The following CCDC93 variants were observed in gnomAD, a reference collection of about 807,000 sequenced individuals.
The protein encoded by CCDC93 is CCC complex scaffolding subunit CCDC93, also known as coiled-coil domain-containing protein 93.
A neutral mutation model predicts 108.2 loss-of-function variants in CCDC93; 61 were observed. The observed-to-expected ratio is 0.56, with a 90% CI of 0.46 to 0.70. The LOEUF (loss-of-function observed/expected upper bound fraction) is 0.70, where lower values mean the gene tolerates loss of function less well. Among genes scored for constraint, CCDC93 ranks in the 30% least tolerant of loss-of-function variants. The pLI is 0.00. For synonymous variants in CCDC93, 276 were observed against 260.4 expected, an observed-to-expected ratio of 1.06 and a Z score of -0.58; for missense variants, 685 against 764.2, an observed-to-expected ratio of 0.90 and a Z score of 1.22.
chr2:117,949,859 G>A (rs1678998299), intron 13 of CCDC93: 2 of 985,256 alleles, frequency 2.0e-6, no homozygotes, highest in South Asian at 4.7e-5. Flanking sequence ...CAAAAAGGAT[G>A]GTTAACAGAC....
At chr2:117,994,733 G>A (rs1333237803) in intron 6 of CCDC93, among the ~76,000 whole-genome samples, 1 of 152,140 alleles carries the variant, frequency 6.6e-6, no homozygotes, top group African/African-American at 2.4e-5. Flanking sequence ...AAGAAACTAT[G>A]CAACTATGAA....
intron 8 of CCDC93, among the ~76,000 whole-genome samples, chr2:117,977,656 T>C (rs1483991499): frequency 1.3e-5 from 2 of 152,220 alleles, no homozygotes; most frequent in Non-Finnish European, 2.9e-5. Flanking sequence ...TGTTCACATC[T>C]ATTTAGAGTC....
intron 23 of CCDC93, among the ~76,000 whole-genome samples, chr2:117,924,039 C>A (rs1370772209): frequency 6.6e-6 from 1 of 152,206 alleles, no homozygotes; most frequent in East Asian, 1.9e-4. Flanking sequence ...GGACCTCCAG[C>A]AAACTCCAAC....
chr2:117,993,998 C>T (rs1484867567), intron 6 of CCDC93, among the ~76,000 whole-genome samples: 3 of 152,178 alleles, frequency 2.0e-5, no homozygotes, highest in Non-Finnish European at 4.4e-5. Context: ...TTCCAGTGTG[C>T]TGGGATTACA....
At chr2:118,000,742 G>A (rs1037131220) in intron 4 of CCDC93, 79 bp downstream of exon 4, 8 of 858,934 alleles carry the variant, frequency 9.3e-6, no homozygotes, top group Non-Finnish European at 1.4e-5. Flanking sequence ...CAGGACAGAC[G>A]GACCCATTAC....
chr2:117,995,433 C>A lies in CCDC93; in HGVS notation c.519+13G>T, dbSNP rs550658001. ...GCAGGACTCTGACAGAAGAATACGG[C>A]CAGGGGACTTACTGAGAGGTCCACA... On this transcript the variant is annotated intron_variant, in intron 6 of 23. Coordinates refer to ENST00000376300, the MANE Select transcript of CCDC93 (RefSeq NM_019044.5). 8 of 1,603,518 alleles carry A rather than the reference C, an allele frequency of 5.0e-6. No individual in the cohort carries two copies. The South Asian group carries it at 7.7e-5, about 15-fold the overall frequency.
intron 13 of CCDC93, chr2:117,950,013 T>C (rs1679002999): frequency 1.0e-6 from 1 of 985,194 alleles, no homozygotes; most frequent in South Asian, 4.7e-5. Flanking sequence ...GGTGCTTAAG[T>C]CTCAGAGGCA....
chr2:117,926,574 A>T (rs1248034465), intron 23 of CCDC93, among the ~76,000 whole-genome samples: 1 of 152,238 alleles, frequency 6.6e-6, no homozygotes. Context: ...ACGAGGAAGA[A>T]GTTGAATTTC....
chr2:117,954,767 CCA>C (rs796857698), intron 12 of CCDC93, among the ~76,000 whole-genome samples: 16 of 152,280 alleles, frequency 1.1e-4, no homozygotes, highest in African/African-American at 3.9e-4. Flanking sequence ...CCCATAATCC[CCA>C]CGTGTCGTGG....
intron 12 of CCDC93, among the ~76,000 whole-genome samples, chr2:117,957,217 A>T (rs1679249486): frequency 6.6e-6 from 1 of 152,148 alleles, no homozygotes; most frequent in Non-Finnish European, 1.5e-5. Context: ...ATCTTCTTCT[A>T]CGTGTATTCT....
At chr2:117,971,034 C>T (rs548394125) in intron 11 of CCDC93, among the ~76,000 whole-genome samples, 206 of 152,188 alleles carry the variant, frequency 1.4e-3, no homozygotes, top group Admixed American at 3.1e-3. Context: ...TAATGAACTG[C>T]GCTGTATTAA....
chr2:118,008,785 T>G (rs1270359068), intron 1 of CCDC93, 127 bp from the exon 2 acceptor site: 2 of 636,064 alleles, frequency 3.1e-6, no homozygotes, highest in East Asian at 2.7e-5. Context: ...CCACAATAGA[T>G]TCTCTGAAAA....
chr2:118,007,153 A>G (rs1676895705), intron 2 of CCDC93, among the ~76,000 whole-genome samples: 1 of 152,208 alleles, frequency 6.6e-6, no homozygotes, highest in Admixed American at 6.5e-5. Flanking sequence ...CTGTACATAG[A>G]TCCTCTTTAT....
At chr2:117,941,500 T>G (rs938188633) in intron 18 of CCDC93, among the ~76,000 whole-genome samples, 22 of 152,080 alleles carry the variant, frequency 1.4e-4, no homozygotes, top group Non-Finnish European at 3.1e-4. Flanking sequence ...GGAGGTGGTG[T>G]GACTGTGAAC....
At chr2:117,951,244 G>T in intron 13 of CCDC93, 1 of 985,332 alleles carries the variant, frequency 1.0e-6, no homozygotes, top group Non-Finnish European at 1.2e-6. Context: ...CTCCCAACCC[G>T]CAGAGCTTGC....
intron 6 of CCDC93, among the ~76,000 whole-genome samples, chr2:117,992,673 A>C (rs1680511663): frequency 6.6e-6 from 1 of 152,124 alleles, no homozygotes; most frequent in South Asian, 2.1e-4. Context: ...ACACTGGGCA[A>C]CTGATATATA....
At chr2:118,000,799 GA>G (rs1381603449) in intron 4 of CCDC93, 21 bp downstream of exon 4, 1 of 1,504,956 alleles carries the variant, frequency 6.6e-7, no homozygotes, top group Non-Finnish European at 9.3e-7. Flanking sequence ...AAGAGGACAA[GA>G]AACCACACAG....
intron 19 of CCDC93, among the ~76,000 whole-genome samples, chr2:117,939,998 G>A (rs1316445131): frequency 6.6e-6 from 1 of 152,172 alleles, no homozygotes; most frequent in Non-Finnish European, 1.5e-5. Flanking sequence ...GGGAGCCTAA[G>A]TATTACAGCT....
intron 13 of CCDC93, among the ~76,000 whole-genome samples, chr2:117,952,029 G>C (rs977388887): frequency 2.0e-5 from 3 of 152,002 alleles, no homozygotes; most frequent in Non-Finnish European, 4.4e-5. Context: ...GCTGCTGTTT[G>C]AGGGGCAGGA....
Sources: gnomAD v4.1 joint callset for allele counts (sites outside exome capture counted in the v4.1 genomes callset) on GRCh38, gnomAD v4.1.1 for gene constraint, MANE v1.5 for transcripts, NCBI Gene and HGNC (gene_info 2026-07-23, HGNC 2026-07-21) for gene names.